The following KIAA0319 variants were observed in gnomAD, a reference collection of about 807,000 sequenced individuals.
KIAA0319 encodes the protein dyslexia-associated protein KIAA0319.
Under a neutral mutation model 108.4 loss-of-function variants are expected in KIAA0319, and 83 were observed. The ratio of observed to expected loss-of-function variants is 0.77; its 90% CI spans 0.64 to 0.92. The LOEUF (loss-of-function observed/expected upper bound fraction) is 0.92. Among genes scored for constraint, KIAA0319 ranks in the 40% least tolerant of loss-of-function variants. The probability of loss-of-function intolerance (pLI) is 0.00; values close to 1 mark genes in which losing one functional copy is unlikely to be tolerated. For missense variants in KIAA0319, 1,195 were observed against 1,322.4 expected, an observed-to-expected ratio of 0.90 and a Z score of 1.49; for synonymous variants, 484 against 510.4, an observed-to-expected ratio of 0.95 and a Z score of 0.70.
intron 14 of KIAA0319, 57 bp from the exon 15 acceptor site, chr6:24,564,397 G>T: frequency 3.7e-6 from 6 of 1,607,896 alleles, no homozygotes; most frequent in Non-Finnish European, 5.1e-6. Flanking sequence ...CAATTTCTGG[G>T]CTTCTGTTGA....
chr6:24,572,738 C>A (rs1343968828), intron 10 of KIAA0319, 40 bp from the exon 11 acceptor site: 7 of 1,553,714 alleles, frequency 4.5e-6, no homozygotes, highest in Admixed American at 4.1e-5. Flanking sequence ...CAAAACAAAA[C>A]AAAAAAGTAA....
At chr6:24,622,319 T>TAAAAAAAAAAAAAAAAA (rs5874995) in intron 1 of KIAA0319, among the ~76,000 whole-genome samples, 6 of 114,256 alleles carry the variant, frequency 5.3e-5, no homozygotes, top group South Asian at 2.9e-4. Context: ...TTTGAGAAAT[T>TAAAAAAAAAAAAAAAAA]AAAAAAAAAA....
At chr6:24,562,515 C>T (rs1298422613) in intron 16 of KIAA0319, among the ~76,000 whole-genome samples, 6 of 152,120 alleles carry the variant, frequency 3.9e-5, no homozygotes, top group East Asian at 1.9e-4. Flanking sequence ...TCTCCCTCCT[C>T]CCACTCCACC....
At chr6:24,630,462 T>C (rs1309836760) in intron 1 of KIAA0319, among the ~76,000 whole-genome samples, 1 of 143,312 alleles carries the variant, frequency 7.0e-6, no homozygotes, top group Non-Finnish European at 1.5e-5. Context: ...TGAGCTGAGA[T>C]TGCACCACTG....
At chr6:24,541,910 C>T (rs962771000), downstream of KIAA0319, among the ~76,000 whole-genome samples, 10 of 152,096 alleles carry the variant, frequency 6.6e-5, no homozygotes, top group African/African-American at 1.7e-4. Flanking sequence ...GAGGCTGAGG[C>T]GGGCGGGTCA....
At chr6:24,574,832 G>GTAAGC (rs1178943733) in intron 10 of KIAA0319, among the ~76,000 whole-genome samples, 3 of 152,138 alleles carry the variant, frequency 2.0e-5, no homozygotes, top group Non-Finnish European at 4.4e-5. Context: ...CTTTGACTAA[G>GTAAGC]TAAGGCAAAG....
At chr6:24,597,940 A>AAAAAAAAAAAAAAAAAAAAAAAAAAAAAC (rs1562032993) in intron 2 of KIAA0319, 1 of 146,990 alleles carries the variant, frequency 6.8e-6, no homozygotes, top group African/African-American at 2.6e-5. Flanking sequence ...AAAAAAAAAA[A>AAAAAAAAAAAAAAAAAAAAAAAAAAAAAC]AAAAAAAAAA....
downstream of KIAA0319, among the ~76,000 whole-genome samples, chr6:24,540,942 TG>T (rs1760175267): frequency 2.0e-5 from 2 of 97,666 alleles, no homozygotes; most frequent in Non-Finnish European, 5.1e-5. Context: ...TGCACTCATT[TG>T]TATGTGAGTG....
Position 24,544,127 on chromosome 6 carries a change from T to C in KIAA0319, c.*3038A>G, listed in dbSNP as rs1200179559. On this transcript the variant is annotated 3_prime_UTR_variant, in exon 21 of 21. Coordinates refer to ENST00000378214, the MANE Select transcript of KIAA0319 (RefSeq NM_014809.4). ...GTGGATATGTTCCAATAAAACTTTA[T>C]TTATGAACACAAATCTGAATGTCAT... 1 of 152,264 alleles carries C rather than the reference T, an allele frequency of 6.6e-6. No homozygotes were observed. Among genetic ancestry groups the C allele is most frequent in the Admixed American group, 6.5e-5 (1 of 15,280 alleles). The allele number at this position is 152,264 out of a possible 1,614,324, so 9.4% of individuals were successfully genotyped here.
intron 1 of KIAA0319, among the ~76,000 whole-genome samples, chr6:24,639,965 A>C (rs1243242556): frequency 7.9e-5 from 12 of 152,254 alleles, no homozygotes; most frequent in African/African-American, 2.9e-4. Context: ...GTCAAATAAT[A>C]ATGAAGTGAA....
At chr6:24,579,303 C>G (rs551327905) in intron 8 of KIAA0319, among the ~76,000 whole-genome samples, 1 of 151,532 alleles carries the variant, frequency 6.6e-6, no homozygotes, top group Non-Finnish European at 1.5e-5. Context: ...AAAACCACCA[C>G]GCTCCCTCAC....
At chr6:24,645,098 G>C (rs544712998) in intron 1 of KIAA0319, among the ~76,000 whole-genome samples, 74 of 152,048 alleles carry the variant, frequency 4.9e-4, no homozygotes, top group Admixed American at 5.9e-4. Flanking sequence ...TCTTGTGTGT[G>C]GGGGGGAACA....
At chr6:24,579,486 C>CATATATATT (rs1310646324) in intron 8 of KIAA0319, among the ~76,000 whole-genome samples, 1 of 142,666 alleles carries the variant, frequency 7.0e-6, no homozygotes, top group Non-Finnish European at 1.5e-5. Flanking sequence ...TTATATATCT[C>CATATATATT]ATATATCTTA....
downstream of KIAA0319, among the ~76,000 whole-genome samples, chr6:24,543,785 G>A (rs540247720): frequency 2.0e-5 from 3 of 152,326 alleles, no homozygotes; most frequent in South Asian, 2.1e-4. Flanking sequence ...AGGATGCAGT[G>A]TAAGTATACT....
At chr6:24,601,469 G>C (rs549156575) in intron 1 of KIAA0319, among the ~76,000 whole-genome samples, 2 of 152,180 alleles carry the variant, frequency 1.3e-5, no homozygotes, top group African/African-American at 2.4e-5. Flanking sequence ...AAAAGCAAAG[G>C]CTATTTATTC....
chr6:24,630,893 G>C (rs1775499242), intron 1 of KIAA0319, among the ~76,000 whole-genome samples: 1 of 152,038 alleles, frequency 6.6e-6, no homozygotes, highest in Non-Finnish European at 1.5e-5. Flanking sequence ...AATAATGCTG[G>C]AGTGAAATGC....
intron 2 of KIAA0319, among the ~76,000 whole-genome samples, chr6:24,600,163 A>C (rs1770410988): frequency 6.6e-6 from 1 of 152,198 alleles, no homozygotes; most frequent in African/African-American, 2.4e-5. Flanking sequence ...AAAAGTAGAG[A>C]TTTGCAAAGG....
chr6:24,596,320 G>A lies in KIAA0319; in HGVS notation c.354C>T (p.Asp118=). 6.2e-7 allele frequency: 1 copy of A among 1,614,156 alleles called. No individual in the cohort carries two copies. Among genetic ancestry groups the A allele is most frequent in the Non-Finnish European group, 8.5e-7 (1 of 1,179,982 alleles). Residue 118 remains aspartate (D), a synonymous_variant, in exon 3 of 21, where the codon GAC becomes GAT. Transcript: ENST00000378214. ...QRPAQLLDYG[D]MMLNRGSPSG... ...AGGGGGAGCCCCTGTTCAGCATCAT[G>A]TCCCCATAGTCCAGCAGCTGTGCAG...
chr6:24,617,789 C>T (rs1773370663), intron 1 of KIAA0319, among the ~76,000 whole-genome samples: 1 of 152,114 alleles, frequency 6.6e-6, no homozygotes, highest in Admixed American at 6.5e-5. Flanking sequence ...GAGTTCAAGA[C>T]CAGCCTGGCC....
Sources: gnomAD v4.1 joint callset for allele counts (sites outside exome capture counted in the v4.1 genomes callset) on GRCh38, gnomAD v4.1.1 for gene constraint, MANE v1.5 for transcripts, NCBI Gene and HGNC (gene_info 2026-07-23, HGNC 2026-07-21) for gene names.